GREB1L: variants seen among roughly 807,000 people sequenced by gnomAD.
The protein encoded by GREB1L is GREB1-like protein.
Under a neutral mutation model 200.8 loss-of-function variants are expected in GREB1L, and 17 were observed. That is an observed-to-expected ratio of 0.08 (90% CI 0.06 to 0.13). The LOEUF (loss-of-function observed/expected upper bound fraction) is 0.13. Ranked by LOEUF, GREB1L falls within the 10% of genes least tolerant of loss-of-function variation. The pLI is 1.00. For synonymous variants in GREB1L, 789 were observed against 893.0 expected (o/e 0.88, Z 2.08); for missense variants, 1,657 against 2,367.7 (o/e 0.70, Z 6.23).
chr18:21,340,189 G>A (rs1460499682), intron 1 of GREB1L, among the ~76,000 whole-genome samples: 2 of 152,196 alleles, frequency 1.3e-5, no homozygotes, highest in South Asian at 2.1e-4. Context: ...AGGCTGAGGC[G>A]GGCAGATCAT....
In GREB1L at chr18:21,473,062, T is replaced by C; in HGVS notation, c.2214T>C (p.Asn738=). The C allele has an allele frequency of 6.5e-7, 1 of 1,544,686 alleles. No homozygotes were observed. Among genetic ancestry groups the C allele is most frequent in the South Asian group, 1.2e-5 (1 of 82,748 alleles). ...GVLVDLGLEE[N]GTAHQRAEKY... Reference sequence around the variant, plus strand: ...TTGTAGACTTGGGTCTGGAGGAAAATGGGACAGCCCATCAGAGAGCAGAAA... The same window carrying C: ...TTGTAGACTTGGGTCTGGAGGAAAACGGGACAGCCCATCAGAGAGCAGAAA... The change falls in exon 16 of 33, where the codon AAT becomes AAC. Residue 738 remains asparagine, a synonymous_variant. Transcript: ENST00000424526.
intron 15 of GREB1L, among the ~76,000 whole-genome samples, chr18:21,466,560 A>G (rs1457126120): frequency 2.6e-5 from 4 of 152,208 alleles, no homozygotes; most frequent in Non-Finnish European, 5.9e-5. Context: ...AGAAGTGCAA[A>G]GCTTATGCTT....
intron 31 of GREB1L, 55 bp downstream of exon 31, chr18:21,518,289 A>C: frequency 2.0e-6 from 3 of 1,482,756 alleles, no homozygotes; most frequent in Non-Finnish European, 2.7e-6. Context: ...TTTCTTTCTC[A>C]TTTTAGCTGT....
chr18:21,369,982 A>G (rs1380721931), intron 2 of GREB1L, among the ~76,000 whole-genome samples: 1 of 151,926 alleles, frequency 6.6e-6, no homozygotes, highest in Non-Finnish European at 1.5e-5. Context: ...AAGAAAAAAG[A>G]AATTCATCCA....
At chr18:21,462,641 G>T (rs2035093443) in intron 15 of GREB1L, among the ~76,000 whole-genome samples, 1 of 152,060 alleles carries the variant, frequency 6.6e-6, no homozygotes, top group Non-Finnish European at 1.5e-5. Context: ...GTAGAGACGG[G>T]GTTTCGCCAT....
chr18:21,398,896 A>G (rs1055978696), intron 5 of GREB1L, among the ~76,000 whole-genome samples: 1 of 152,144 alleles, frequency 6.6e-6, no homozygotes, highest in Admixed American at 6.6e-5. Flanking sequence ...TTTGTTTTCA[A>G]TGACAACAAG....
At chr18:21,359,316 G>T (rs1417238382) in intron 1 of GREB1L, among the ~76,000 whole-genome samples, 1 of 152,148 alleles carries the variant, frequency 6.6e-6, no homozygotes, top group African/African-American at 2.4e-5. Flanking sequence ...TGGGCGTGGT[G>T]GCAGGCGCCT....
intron 13 of GREB1L, 57 bp from the exon 14 acceptor site, chr18:21,452,026 T>C: frequency 6.6e-7 from 1 of 1,521,064 alleles, no homozygotes; most frequent in African/African-American, 1.4e-5. Context: ...GGGCAGTTAA[T>C]AAAAATGAAA....
At position 21,449,520 on chromosome 18, in the gene GREB1L, G is replaced by A. The variant is rs1340886285; in HGVS notation, c.1404G>A (p.Gln468=). 6.5e-7 allele frequency: 1 copy of A among 1,539,636 alleles called. No individual in the cohort carries two copies. The highest frequency in any genetic ancestry group is 1.4e-5 in the African/African-American group (1 of 72,704). Residue 468 remains glutamine, a synonymous_variant, in exon 12 of 33, where the codon CAG becomes CAA. Transcript: ENST00000424526. ...TTCTCTTCTATATAGGTCCTGATCA[G>A]GTACCTCTCAGGGAAGAATTTGAGC... ...IQYLVRLGPD[Q]VPLREEFEQI...
In GREB1L at chr18:21,430,608, T is replaced by TAA. The variant is rs1555645925; in HGVS notation, c.833-8912_833-8911dup. 6.7e-5 allele frequency among the ~76,000 whole-genome samples: 8 copies of TAA among 120,154 alleles called. 1 individual carries two copies. Among genetic ancestry groups the TAA allele is most frequent in the African/African-American group, 2.7e-4 (7 of 26,076 alleles). 78.8% of individuals were successfully genotyped at this position (120,154 alleles called of 152,430 possible). On this transcript the variant is annotated intron_variant, in intron 7 of 32. Transcript: ENST00000424526. ...TTTTTTTTTTTTTTTTTTTTTTTTT[T>TAA]AATTTGAGACGGAGTTTCGCTCTTG...
rs10654340 is a variant in GREB1L at position 21,520,797 on chromosome 18, A to ATCT, written c.5584_5586dup (p.Leu1862dup). 1,537,354 of 1,538,138 alleles carry ATCT rather than the reference A, an allele frequency of 1. 768,292 individuals carry two copies. The highest frequency in any genetic ancestry group is 1 in the South Asian group (81,556 of 81,556). On this transcript the variant is annotated inframe_insertion, in exon 32 of 33. Transcript: ENST00000424526. The stretch of plus-strand genomic sequence containing the variant: ...CTCTGTGACTCTTTTGTAGGTGCTG[A>ATCT]TCTTAAGAAATTTAAATTTCTAAAA...
intron 7 of GREB1L, among the ~76,000 whole-genome samples, chr18:21,409,039 A>G (rs182143160): frequency 6.4e-4 from 98 of 152,330 alleles, no homozygotes; most frequent in African/African-American, 1.9e-3. Context: ...CCCAAGAGAA[A>G]TGAAAATATA....
At chr18:21,499,067 C>T (rs371500228) in intron 21 of GREB1L, among the ~76,000 whole-genome samples, 1 of 152,188 alleles carries the variant, frequency 6.6e-6, no homozygotes, top group East Asian at 1.9e-4. Context: ...GAGTCGCATA[C>T]GCCTATGTCC....
chr18:21,439,742 T>G, intron 8 of GREB1L, 105 bp downstream of exon 8: 1 of 736,814 alleles, frequency 1.4e-6, no homozygotes, highest in East Asian at 2.7e-5. Context: ...GAGTTTTTTC[T>G]CAGTTCGTCA....
rs1176830084 is a variant in GREB1L at position 21,384,264 on chromosome 18, T to C, written c.216T>C (p.Asn72=). The part of the protein sequence containing the change: ...DKDLVNRYTQ[N]GSLDFSNNLT... The stretch of plus-strand genomic sequence containing the variant: ...ATTTGGTAAACCGCTACACTCAAAA[T>C]GGAAGTCTGGATTTTTCTAACAATC... The change falls in exon 4 of 33, where the codon AAT becomes AAC. Residue 72 remains asparagine, a synonymous_variant. Coordinates refer to ENST00000424526, the MANE Select transcript of GREB1L (RefSeq NM_001142966.3). 2.6e-6 allele frequency: 4 copies of C among 1,551,344 alleles called. No homozygotes were observed. Among genetic ancestry groups the C allele is most frequent in the Non-Finnish European group, 3.5e-6 (4 of 1,146,786 alleles).
intron 1 of GREB1L, among the ~76,000 whole-genome samples, chr18:21,333,987 A>C (rs1295249609): frequency 6.6e-6 from 1 of 151,756 alleles, no homozygotes. Context: ...TCTTGCCTAA[A>C]AAAAAAAAAA....
intron 1 of GREB1L, among the ~76,000 whole-genome samples, chr18:21,275,492 A>G (rs368066952): frequency 1.3e-5 from 2 of 151,878 alleles, no homozygotes; most frequent in African/African-American, 4.8e-5. Flanking sequence ...CATCTCTACT[A>G]AAAATGCAAA....
rs2039010808 is a variant in GREB1L, at chr18:21,325,641, C to G, written c.-119-40386C>G. On this transcript the variant is annotated intron_variant, in intron 1 of 32. Transcript: ENST00000424526. ...ACAAACCTGGGCAACAGAGGGAGAC[C>G]CCATCTCTACAAAAAGTAAAAAATT... Among the ~76,000 whole-genome samples the G allele has an allele frequency of 4.6e-5, 7 of 151,276 alleles. No individual in the cohort carries two copies. The South Asian group carries it at 1.5e-3, about 32-fold the overall frequency.
At chr18:21,363,276 G>GCC (rs1208167958) in intron 1 of GREB1L, among the ~76,000 whole-genome samples, 3 of 4,012 alleles carry the variant, frequency 7.5e-4, no homozygotes, top group Admixed American at 5.2e-3. Flanking sequence ...CCCCCACTCC[G>GCC]CCTCCCCCCC....
Sources: gnomAD v4.1 joint callset for allele counts (sites outside exome capture counted in the v4.1 genomes callset) on GRCh38, gnomAD v4.1.1 for gene constraint, MANE v1.5 for transcripts, NCBI Gene and HGNC (gene_info 2026-07-23, HGNC 2026-07-21) for gene names.